Variants in SAMD12 observed in about 807,000 individuals in gnomAD.
SAMD12 encodes the protein sterile alpha motif domain containing 12, also known as sterile alpha motif domain-containing protein 12.
In SAMD12, 9 loss-of-function variants were observed where a neutral mutation model predicts 15.0. The observed-to-expected ratio is 0.60, with a 90% CI of 0.36 to 1.05. The LOEUF (loss-of-function observed/expected upper bound fraction) is 1.05. Among genes scored for constraint, SAMD12 ranks in the 50% least tolerant of loss-of-function variants. SAMD12 has a pLI of 0.01. For missense variants in SAMD12, 230 were observed against 234.2 expected (o/e 0.98, Z 0.12); for synonymous variants, 86 against 90.1 (o/e 0.96, Z 0.25).
intron 4 of SAMD12, among the ~76,000 whole-genome samples, chr8:118,309,140 C>T (rs1028444380): frequency 6.6e-6 from 1 of 152,148 alleles, no homozygotes; most frequent in Non-Finnish European, 1.5e-5. Context: ...ATCCCTCACC[C>T]TCTTTCCACC....
chr8:118,461,021 C>T (rs762623341), intron 2 of SAMD12, among the ~76,000 whole-genome samples: 4 of 152,212 alleles, frequency 2.6e-5, no homozygotes, highest in African/African-American at 4.8e-5. Flanking sequence ...TCACTTCCAC[C>T]TTCTTTACCT....
At chr8:118,266,410 C>G (rs374551518) in intron 4 of SAMD12, among the ~76,000 whole-genome samples, 1 of 152,014 alleles carries the variant, frequency 6.6e-6, no homozygotes, top group East Asian at 1.9e-4. Context: ...ATTAGTACAA[C>G]CAGTATGGAA....
intron 2 of SAMD12, among the ~76,000 whole-genome samples, chr8:118,561,138 T>C (rs1048115863): frequency 1.3e-5 from 2 of 152,068 alleles, no homozygotes; most frequent in Non-Finnish European, 2.9e-5. Flanking sequence ...CTCCCCAGGG[T>C]GCAAAACAAA....
At chr8:118,164,061 G>C in the SAMD12 span, among the ~76,000 whole-genome samples, 1 of 152,234 alleles carries the variant, frequency 6.6e-6, no homozygotes, top group East Asian at 1.9e-4. Flanking sequence ...CCTTGTAAGA[G>C]GAAGAAGAGG....
At chr8:118,276,306 C>T (rs1813472327) in intron 4 of SAMD12, among the ~76,000 whole-genome samples, 1 of 152,212 alleles carries the variant, frequency 6.6e-6, no homozygotes, top group Admixed American at 6.5e-5. Flanking sequence ...TGATTCAGTA[C>T]ACATAAATTC....
At chr8:118,505,946 G>A (rs1824909906) in intron 2 of SAMD12, among the ~76,000 whole-genome samples, 1 of 151,956 alleles carries the variant, frequency 6.6e-6, no homozygotes, top group Non-Finnish European at 1.5e-5. Flanking sequence ...TGGTGCCCTG[G>A]ACATAATATC....
chr8:118,523,890 C>G (rs1279042992), intron 2 of SAMD12, among the ~76,000 whole-genome samples: 2 of 152,130 alleles, frequency 1.3e-5, no homozygotes, highest in African/African-American at 2.4e-5. Context: ...TGTCTTGTCC[C>G]TGAACCCACT....
At position 118,282,656 on chromosome 8, in the gene SAMD12, C is replaced by T. The variant is rs145781437; in HGVS notation, c.434-84924G>A. Reference sequence around the variant, plus strand: ...CAAATGTGATTGGAATTTGCTAAAACTGGACAGGGATCAGGATACAGATGC... The same window carrying T: ...CAAATGTGATTGGAATTTGCTAAAATTGGACAGGGATCAGGATACAGATGC... On this transcript the variant is annotated intron_variant, in intron 4 of 4. Coordinates refer to the SAMD12 transcript ENST00000409003. 7.2e-3 allele frequency among the ~76,000 whole-genome samples: 1,089 copies of T among 152,232 alleles called. 8 individuals carry two copies. Among genetic ancestry groups the T allele is most frequent in the Non-Finnish European group, 8.1e-3 (554 of 68,022 alleles).
chr8:118,620,496 A>T (rs1828368926), intron 1 of SAMD12, among the ~76,000 whole-genome samples: 1 of 149,292 alleles, frequency 6.7e-6, no homozygotes, highest in Non-Finnish European at 1.5e-5. Context: ...AGAGAGAGAG[A>T]GGATTTCATT....
intron 3 of SAMD12, among the ~76,000 whole-genome samples, chr8:118,388,797 G>C (rs1341860412): frequency 6.6e-6 from 1 of 152,110 alleles, no homozygotes. Flanking sequence ...TGCTGTTAGT[G>C]GCTGTCTTTA....
chr8:118,283,950 G>C (rs572090688), intron 4 of SAMD12, among the ~76,000 whole-genome samples: 1 of 152,164 alleles, frequency 6.6e-6, no homozygotes, highest in East Asian at 1.9e-4. Flanking sequence ...CTGGTATATA[G>C]AAGTCCTCTG....
chr8:118,146,932 G>A, the SAMD12 span, among the ~76,000 whole-genome samples: 4,278 of 152,226 alleles, frequency 0.028, 188 homozygotes, highest in African/African-American at 0.098. Context: ...AGTAATGATG[G>A]CTAAACTCTA....
intron 4 of SAMD12, among the ~76,000 whole-genome samples, chr8:118,309,380 A>ATATGTGTGTG (rs1554628153): frequency 1.4e-5 from 2 of 143,896 alleles, no homozygotes; most frequent in African/African-American, 2.7e-5. Context: ...TGAGATATAT[A>ATATGTGTGTG]TGTGTGTGTG....
intron 2 of SAMD12, among the ~76,000 whole-genome samples, chr8:118,521,166 G>A (rs532132896): frequency 1.0e-3 from 154 of 152,156 alleles, no homozygotes; most frequent in African/African-American, 2.9e-3. Flanking sequence ...CCCTCTCTCC[G>A]TTCTATTTGT....
the SAMD12 span, among the ~76,000 whole-genome samples, chr8:118,146,695 G>A: frequency 6.6e-6 from 1 of 152,166 alleles, no homozygotes; most frequent in Non-Finnish European, 1.5e-5. Flanking sequence ...GAAGCATAGA[G>A]CCAAGGAGCT....
the SAMD12 span, among the ~76,000 whole-genome samples, chr8:118,143,462 C>T: frequency 5.0e-3 from 763 of 152,272 alleles, 5 homozygotes; most frequent in African/African-American, 0.017. Flanking sequence ...AAAAGCTGAA[C>T]TGAAATGCAG....
At chr8:118,470,752 A>G (rs773776111) in intron 2 of SAMD12, among the ~76,000 whole-genome samples, 1 of 152,232 alleles carries the variant, frequency 6.6e-6, no homozygotes, top group Non-Finnish European at 1.5e-5. Context: ...GAAGTGAATG[A>G]ACATATTAGA....
intron 2 of SAMD12, among the ~76,000 whole-genome samples, chr8:118,453,591 G>T (rs1477127532): frequency 6.6e-6 from 1 of 152,046 alleles, no homozygotes; most frequent in Non-Finnish European, 1.5e-5. Context: ...TGTGATCCTG[G>T]CTCACTGCAG....
intron 4 of SAMD12, among the ~76,000 whole-genome samples, chr8:118,309,626 T>C (rs1259883763): frequency 6.6e-6 from 1 of 152,178 alleles, no homozygotes; most frequent in Admixed American, 6.5e-5. Flanking sequence ...TCCTAAGTTC[T>C]TTTTTCAGAC....
Sources: gnomAD v4.1 joint callset for allele counts (sites outside exome capture counted in the v4.1 genomes callset) on GRCh38, gnomAD v4.1.1 for gene constraint, MANE v1.5 for transcripts, NCBI Gene and HGNC (gene_info 2026-07-23, HGNC 2026-07-21) for gene names.